Variants in GABRG3 observed in about 807,000 individuals in gnomAD.
GABRG3 encodes the protein gamma-aminobutyric acid type A receptor subunit gamma3.
In GABRG3, 25 loss-of-function variants were observed where a neutral mutation model predicts 48.8. That is an observed-to-expected ratio of 0.51 (90% confidence interval 0.37 to 0.72). The LOEUF (loss-of-function observed/expected upper bound fraction) is 0.72, where lower values mean the gene tolerates loss of function less well. GABRG3 is among the 30% of genes least tolerant of loss of function. The pLI is 0.00. For synonymous variants in GABRG3, 227 were observed against 217.6 expected, an observed-to-expected ratio of 1.04 and a Z score of -0.38; for missense variants, 394 against 577.9, an observed-to-expected ratio of 0.68 and a Z score of 3.26.
At chr15:27,529,780 A>C (rs1239009481) in intron 9 of GABRG3, among the ~76,000 whole-genome samples, 1 of 152,022 alleles carries the variant, frequency 6.6e-6, no homozygotes, top group African/African-American at 2.4e-5. Flanking sequence ...GTGTTGAAAG[A>C]AGGAGAGAAA....
intron 5 of GABRG3, among the ~76,000 whole-genome samples, chr15:27,460,953 T>A (rs951903866): frequency 6.6e-6 from 1 of 152,204 alleles, no homozygotes; most frequent in Admixed American, 6.5e-5. Flanking sequence ...AGATTTTTAT[T>A]TCCATGCTTT....
intron 3 of GABRG3, among the ~76,000 whole-genome samples, chr15:27,303,681 T>C (rs1892290414): frequency 6.6e-6 from 1 of 151,582 alleles, no homozygotes; most frequent in African/African-American, 2.4e-5. Context: ...ACACAATATA[T>C]TTCATGGATG....
chr15:27,154,727 T>C (rs561432015), intron 3 of GABRG3, among the ~76,000 whole-genome samples: 1 of 152,302 alleles, frequency 6.6e-6, no homozygotes, highest in Non-Finnish European at 1.5e-5. Context: ...TCCTGAATTC[T>C]GTTTGTTAAT....
intron 3 of GABRG3, among the ~76,000 whole-genome samples, chr15:27,271,357 C>G (rs915387717): frequency 6.6e-6 from 1 of 152,202 alleles, no homozygotes; most frequent in African/African-American, 2.4e-5. Context: ...CGCTGCCACC[C>G]GCACTCTGTC....
intron 3 of GABRG3, among the ~76,000 whole-genome samples, chr15:27,278,007 A>G (rs973268715): frequency 6.6e-6 from 1 of 151,968 alleles, no homozygotes; most frequent in Non-Finnish European, 1.5e-5. Flanking sequence ...TTCAGATTTC[A>G]CCAGCTTTAT....
intron 6 of GABRG3, among the ~76,000 whole-genome samples, chr15:27,496,256 A>G (rs1759414967): frequency 2.0e-5 from 3 of 151,000 alleles, no homozygotes; most frequent in African/African-American, 7.3e-5. Context: ...ATCACATTAC[A>G]ACAGAACAGT....
chr15:27,535,048 T>A lies in GABRG3; in HGVS notation c.*2167T>A, dbSNP rs947709244. ...TCTGGTACTCTAGTTCTGTCTCTCA[T>A]GCATAAGCAACCCCCGCCTTGGCAG... is the stretch of plus-strand genomic sequence containing the variant. On this transcript the variant is annotated 3_prime_UTR_variant, in exon 10 of 10. Transcript: ENST00000615808. The A allele has an allele frequency of 6.6e-6, 1 of 152,226 alleles. No individual in the cohort carries two copies. The highest frequency in any genetic ancestry group is 1.5e-5 in the Non-Finnish European group (1 of 68,070). 9.4% of individuals were successfully genotyped at this position (152,226 alleles called of 1,614,324 possible). A position where few individuals can be genotyped will look rare whatever the true frequency, so the allele number is the denominator to read the frequency against.
intron 3 of GABRG3, among the ~76,000 whole-genome samples, chr15:27,240,422 C>T (rs1043895635): frequency 1.3e-5 from 2 of 152,126 alleles, no homozygotes; most frequent in Non-Finnish European, 2.9e-5. Flanking sequence ...CTGCAAATGA[C>T]GACTCCATCC....
rs1035473122 is a variant in GABRG3, at chr15:27,539,873, T to C, written c.*6992T>C. ...TCCAATGTAATTAAAAAATAAGTAA[T>C]GTGGCAAAAGATGCACATAACTTGC... On this transcript the variant is annotated 3_prime_UTR_variant, in exon 10 of 10. Transcript: ENST00000615808. 1.3e-5 allele frequency: 2 copies of C among 152,212 alleles called. No individual in the cohort carries two copies. The highest frequency in any genetic ancestry group is 2.9e-5 in the Non-Finnish European group (2 of 68,036). 9.4% of individuals were successfully genotyped at this position (152,212 alleles called of 1,614,324 possible). A position where few individuals can be genotyped will look rare whatever the true frequency, so the allele number is the denominator to read the frequency against.
chr15:27,519,864 T>G, intron 6 of GABRG3, 108 bp from the exon 7 acceptor site: 1 of 768,392 alleles, frequency 1.3e-6, no homozygotes, highest in Non-Finnish European at 2.0e-6. Context: ...GTTGTAGTTG[T>G]GCATTTTTAT....
chr15:27,145,603 C>CTCTATCTATCTATCTATCATCTATCTA (rs1555405975), intron 3 of GABRG3, among the ~76,000 whole-genome samples: 31 of 102,386 alleles, frequency 3.0e-4, no homozygotes, highest in Middle Eastern at 5.0e-3. Flanking sequence ...ATATATCTAT[C>CTCTATCTATCTATCTATCATCTATCTA]TCTATCTATC....
chr15:27,420,455 C>T (rs372636837), intron 5 of GABRG3, among the ~76,000 whole-genome samples: 17 of 152,230 alleles, frequency 1.1e-4, no homozygotes, highest in South Asian at 2.1e-4. Context: ...GAGATGAGTA[C>T]GTTCTGGACA....
chr15:27,321,781 A>G (rs1254604219), intron 3 of GABRG3, among the ~76,000 whole-genome samples: 1 of 152,254 alleles, frequency 6.6e-6, no homozygotes, highest in Non-Finnish European at 1.5e-5. Flanking sequence ...CTCTTCTTTA[A>G]TAAAGGAAGG....
chr15:27,433,725 A>G (rs926644915), intron 5 of GABRG3, among the ~76,000 whole-genome samples: 18 of 152,164 alleles, frequency 1.2e-4, no homozygotes, highest in African/African-American at 4.1e-4. Flanking sequence ...CTCTATCGCT[A>G]TGGAAAGAGG....
rs1893344567 is a variant in GABRG3 at position 27,319,449 on chromosome 15, A to G, written c.271-7360A>G. On this transcript the variant is annotated intron_variant, in intron 3 of 9. Coordinates refer to ENST00000615808, the MANE Select transcript of GABRG3 (RefSeq NM_033223.5). The surrounding 1 kb of genome is among the most constrained non-coding windows in gnomAD (Gnocchi z 4.4). The stretch of plus-strand genomic sequence containing the variant: ...CCAACACAGGTCACTGCTGACCAGC[A>G]CTGTGGTGGGGCAGTCTCTATGCGG... 6.6e-6 allele frequency among the ~76,000 whole-genome samples: 1 copy of G among 152,244 alleles called. No homozygotes were observed. Among genetic ancestry groups the G allele is most frequent in the South Asian group, 2.1e-4 (1 of 4,832 alleles).
At chr15:27,400,337 T>G (rs186270677) in intron 5 of GABRG3, among the ~76,000 whole-genome samples, 96 of 152,380 alleles carry the variant, frequency 6.3e-4, no homozygotes, top group Non-Finnish European at 9.7e-4. Context: ...CCTCACATTT[T>G]GTATTTATTT....
In GABRG3 at chr15:27,045,478, C is replaced by A. The variant is rs565842406; in HGVS notation, c.270+18657C>A. ...CTGATTTCCCTTTCCGGTGTGCACCCAGCATCTACTGCAAGATAAACTATC... is the reference window on the plus strand; with the variant it reads ...CTGATTTCCCTTTCCGGTGTGCACCAAGCATCTACTGCAAGATAAACTATC... On this transcript the variant is annotated intron_variant, in intron 3 of 9. Coordinates refer to ENST00000615808, the MANE Select transcript of GABRG3 (RefSeq NM_033223.5). Among the ~76,000 whole-genome samples, 6 of 152,344 alleles carry A rather than the reference C, an allele frequency of 3.9e-5. No homozygotes were observed. In the South Asian group the frequency reaches 1.2e-3, roughly 32 times the overall value.
intron 3 of GABRG3, among the ~76,000 whole-genome samples, chr15:27,323,866 A>C (rs1893514907): frequency 6.6e-6 from 1 of 152,170 alleles, no homozygotes; most frequent in Non-Finnish European, 1.5e-5. Context: ...CACGTGAGTC[A>C]GCAGAGCTCT....
chr15:27,451,122 A>G lies in GABRG3; in HGVS notation c.575-29528A>G, dbSNP rs149718666. Among the ~76,000 whole-genome samples the G allele has an allele frequency of 7.9e-5, 12 of 152,256 alleles. No homozygotes were observed. In the East Asian group the frequency reaches 2.3e-3, roughly 29 times the overall value. ...TCATACTACCCAAAGTGATCACCCAAAGTGATTCAGTGTAATCCCAATCAA... is the reference window on the plus strand; with the variant it reads ...TCATACTACCCAAAGTGATCACCCAGAGTGATTCAGTGTAATCCCAATCAA... On this transcript the variant is annotated intron_variant, in intron 5 of 9. Coordinates refer to ENST00000615808, the MANE Select transcript of GABRG3 (RefSeq NM_033223.5).
Sources: gnomAD v4.1 joint callset for allele counts (sites outside exome capture counted in the v4.1 genomes callset) on GRCh38, gnomAD v4.1.1 for gene constraint, Gnocchi (gnomAD v3.1) non-coding constraint, MANE v1.5 for transcripts, NCBI Gene and HGNC (gene_info 2026-07-23, HGNC 2026-07-21) for gene names.